The following DNAAF19 variants were observed in gnomAD, a reference collection of about 807,000 sequenced individuals.
DNAAF19 encodes the protein dynein axonemal assembly factor 19.
the DNAAF19 span, among the ~76,000 whole-genome samples, chr17:44,900,501 G>T: frequency 6.6e-6 from 1 of 151,866 alleles, no homozygotes; most frequent in African/African-American, 2.4e-5. Context: ...CATTGCATCT[G>T]GTTTGGGTGA....
chr17:44,899,816 C>G, the DNAAF19 span: 6 of 152,544 alleles, frequency 3.9e-5, no homozygotes, highest in African/African-American at 1.4e-4. Flanking sequence ...AAGGCCGGGA[C>G]TGCTGGGGTG....
chr17:44,904,808 G>A, the DNAAF19 span: 56 of 1,550,540 alleles, frequency 3.6e-5, no homozygotes, highest in Non-Finnish European at 4.3e-5. Context: ...CATTGACCAC[G>A]GCAACCAGCT....
At chr17:44,904,748 C>T in the DNAAF19 span, 1 of 1,550,640 alleles carries the variant, frequency 6.4e-7, no homozygotes, top group Non-Finnish European at 8.7e-7. Context: ...CCGCCAGCAC[C>T]TCTACCGCAC....
chr17:44,903,115 G>A, the DNAAF19 span: 2 of 1,299,152 alleles, frequency 1.5e-6, no homozygotes, highest in East Asian at 2.9e-5. Flanking sequence ...AGATGAGTGT[G>A]TGCCCAACCA....
chr17:44,902,446 T>C, the DNAAF19 span: 2 of 1,614,224 alleles, frequency 1.2e-6, no homozygotes, highest in Non-Finnish European at 1.7e-6. Context: ...GCCAGAGCGC[T>C]ACCAGGCTCT....
At chr17:44,904,743 A>G in the DNAAF19 span, 1 of 1,550,594 alleles carries the variant, frequency 6.4e-7, no homozygotes, top group Non-Finnish European at 8.7e-7. Flanking sequence ...AAAGACCGCC[A>G]GCACCTCTAC....
chr17:44,905,191 T>TA, the DNAAF19 span: 1 of 758,376 alleles, frequency 1.3e-6, no homozygotes, highest in African/African-American at 1.8e-5. Context: ...ACAAATCTGT[T>TA]ACAGCCTGCT....
chr17:44,900,971 A>ATTCC, the DNAAF19 span: 1 of 1,584,404 alleles, frequency 6.3e-7, no homozygotes, highest in Non-Finnish European at 8.5e-7. Flanking sequence ...ACTGACATGT[A>ATTCC]TTCCCTTTGC....
At chr17:44,902,821 G>T in the DNAAF19 span, 1 of 1,533,260 alleles carries the variant, frequency 6.5e-7, no homozygotes, top group South Asian at 1.2e-5. Context: ...TGACTGATGC[G>T]GCAAGCTACC....
chr17:44,901,081 G>T, the DNAAF19 span: 20 of 1,604,480 alleles, frequency 1.2e-5, no homozygotes, highest in South Asian at 3.4e-5. Flanking sequence ...AAGTACAAAC[G>T]GGAGAATGCT....
At chr17:44,901,581 A>C in the DNAAF19 span, 2 of 1,614,208 alleles carry the variant, frequency 1.2e-6, no homozygotes, top group Non-Finnish European at 1.7e-6. Flanking sequence ...GGGAGGAAAG[A>C]GAACTGTGCC....
chr17:44,902,380 C>T, the DNAAF19 span: 1 of 1,614,254 alleles, frequency 6.2e-7, no homozygotes, highest in Non-Finnish European at 8.5e-7. Flanking sequence ...AGCCCCCCTC[C>T]AGCCCGAGAC....
At chr17:44,903,862 G>A in the DNAAF19 span, 74 of 1,536,604 alleles carry the variant, frequency 4.8e-5, no homozygotes, top group Non-Finnish European at 5.8e-5. Flanking sequence ...TGCTCCTGTG[G>A]GCATGGGGGC....
At chr17:44,904,333 C>T in the DNAAF19 span, 1 of 1,542,136 alleles carries the variant, frequency 6.5e-7, no homozygotes, top group Non-Finnish European at 8.8e-7. Flanking sequence ...ACCTCCATGT[C>T]TTCACCACCT....
the DNAAF19 span, chr17:44,902,675 A>C: frequency 3.7e-6 from 6 of 1,614,156 alleles, no homozygotes; most frequent in South Asian, 6.6e-5. Context: ...GGCTTGTTTC[A>C]GAAGCTGCAA....
chr17:44,903,474 A>G, the DNAAF19 span: 1 of 1,270,152 alleles, frequency 7.9e-7, no homozygotes, highest in Non-Finnish European at 9.9e-7. Context: ...TGGAGCACTG[A>G]GGCAGAGATC....
the DNAAF19 span, chr17:44,903,077 G>A: frequency 4.4e-6 from 6 of 1,358,572 alleles, no homozygotes; most frequent in Non-Finnish European, 5.7e-6. Context: ...CTTAGAGTCT[G>A]CCAAGCCTCT....
the DNAAF19 span, among the ~76,000 whole-genome samples, chr17:44,900,298 AG>A: frequency 7.0e-6 from 1 of 143,472 alleles, no homozygotes; most frequent in Admixed American, 7.0e-5. Context: ...AAAAAAAAAA[AG>A]AAAAGAATAT....
the DNAAF19 span, chr17:44,901,064 T>A: frequency 2.5e-6 from 4 of 1,601,460 alleles, no homozygotes; most frequent in Admixed American, 7.2e-5. Context: ...CACTCACTGC[T>A]GATGAGAAGT....
Sources: allele counts gnomAD v4.1 joint callset (sites outside exome capture counted in the v4.1 genomes callset), GRCh38; gene constraint gnomAD v4.1.1; transcripts MANE v1.5; gene names NCBI Gene and HGNC (gene_info 2026-07-23, HGNC 2026-07-21).